Variants in WIPI2 observed in about 807,000 individuals in gnomAD.
WIPI2 encodes the protein WD repeat domain, phosphoinositide interacting 2, also known as WD repeat domain phosphoinositide-interacting protein 2.
In WIPI2, 28 loss-of-function variants were observed where a neutral mutation model predicts 52.3. The ratio of observed to expected loss-of-function variants is 0.54; its 90% CI spans 0.40 to 0.73. The LOEUF is 0.73. WIPI2 is among the 30% of genes least tolerant of loss of function. WIPI2 has a pLI of 0.00. For synonymous variants in WIPI2, 268 were observed against 245.0 expected, an observed-to-expected ratio of 1.09 and a Z score of -0.88; for missense variants, 506 against 602.9, an observed-to-expected ratio of 0.84 and a Z score of 1.68.
chr7:5,222,097 G>GCC (rs1208303895), intron 7 of WIPI2, among the ~76,000 whole-genome samples: 1 of 151,968 alleles, frequency 6.6e-6, no homozygotes, highest in African/African-American at 2.4e-5. Flanking sequence ...TTACAGGCAT[G>GCC]CGCCACCACA....
intron 11 of WIPI2, 48 bp from the exon 12 acceptor site, chr7:5,229,560 G>T: frequency 1.3e-6 from 2 of 1,593,160 alleles, no homozygotes; most frequent in Non-Finnish European, 1.7e-6. Context: ...CTGCCCGCAG[G>T]GCTGCCCTGT....
chr7:5,200,961 T>C (rs1385841832), intron 3 of WIPI2, among the ~76,000 whole-genome samples: 1 of 152,220 alleles, frequency 6.6e-6, no homozygotes, highest in Admixed American at 6.5e-5. Flanking sequence ...TCTTTGTCCT[T>C]AGACTTGCCT....
rs563192297 is a variant in WIPI2, at chr7:5,225,819, C to G, written c.741-4C>G. ...GGCCCGCCCCAACCTGTGCGTCTCC[C>G]CAGGTGCGTGAGCATCTGCTCCCTG... On this transcript the variant is annotated splice_region_variant and splice_polypyrimidine_tract_variant and intron_variant, in intron 8 of 12. Transcript: ENST00000288828. 4.9e-5 allele frequency: 78 copies of G among 1,607,572 alleles called. No individual in the cohort carries two copies. The East Asian group carries it at 1.3e-3, about 27-fold the overall frequency.
At chr7:5,205,235 C>G (rs775847441) in intron 3 of WIPI2, among the ~76,000 whole-genome samples, 6 of 152,172 alleles carry the variant, frequency 3.9e-5, no homozygotes, top group Non-Finnish European at 7.4e-5. Context: ...CTCAGCTTCC[C>G]AAAGTGCTGG....
In WIPI2 at chr7:5,233,223, C is replaced by CT. The variant is rs1247054238; in HGVS notation, c.*2279dup. The CT allele has an allele frequency of 6.6e-6, 1 of 152,326 alleles. No homozygotes were observed. The highest frequency in any genetic ancestry group is 6.5e-5 in the Admixed American group (1 of 15,276). 9.4% of individuals were successfully genotyped at this position (152,326 alleles called of 1,614,324 possible). A position where few individuals can be genotyped will look rare whatever the true frequency, so the allele number is the denominator to read the frequency against. The stretch of plus-strand genomic sequence containing the variant: ...CATTGTGGAGGGTTACCCGCCTCCA[C>CT]TTTCCCGTTGCCCATTTCACTGCCA... On this transcript the variant is annotated 3_prime_UTR_variant, in exon 13 of 13. Transcript: ENST00000288828.
rs763001574 is a variant in WIPI2 at position 5,199,530 on chromosome 7, T to C, written c.129-46T>C. On this transcript the variant is annotated intron_variant, in intron 2 of 12. Coordinates refer to ENST00000288828, the MANE Select transcript of WIPI2 (RefSeq NM_015610.4). ...TGGGAGCTGGTTTCTACATTGTCAC[T>C]GTCTGCACGTATCAGCTCTTATTTC... 14 of 1,551,776 alleles carry C rather than the reference T, an allele frequency of 9.0e-6. No individual in the cohort carries two copies. In the South Asian group the frequency reaches 1.4e-4, roughly 15 times the overall value.
chr7:5,207,988 A>G (rs1782373960), intron 3 of WIPI2, among the ~76,000 whole-genome samples: 1 of 151,284 alleles, frequency 6.6e-6, no homozygotes, highest in African/African-American at 2.4e-5. Flanking sequence ...CTGGCCTGAG[A>G]CTCCTGACCT....
At chr7:5,199,882 G>A (rs1173643643) in intron 3 of WIPI2, among the ~76,000 whole-genome samples, 2 of 152,168 alleles carry the variant, frequency 1.3e-5, no homozygotes. Flanking sequence ...TACCGAGGGA[G>A]CTCTGTTCAT....
intron 3 of WIPI2, among the ~76,000 whole-genome samples, chr7:5,200,829 C>T (rs1014324898): frequency 1.7e-4 from 26 of 152,198 alleles, no homozygotes; most frequent in African/African-American, 5.8e-4. Flanking sequence ...AGTGTCTTTC[C>T]TGTTGCTGCC....
chr7:5,225,144 T>G (rs1165975538), intron 8 of WIPI2, among the ~76,000 whole-genome samples: 1 of 152,044 alleles, frequency 6.6e-6, no homozygotes, highest in Non-Finnish European at 1.5e-5. Flanking sequence ...TGTCTTTTTT[T>G]TTTTTTAAAT....
At position 5,231,853 on chromosome 7, in the gene WIPI2, G is replaced by T; in HGVS notation, c.*906G>T. The T allele has an allele frequency of 4.4e-6, 1 of 229,772 alleles. No individual in the cohort carries two copies. The highest frequency in any genetic ancestry group is 8.4e-6 in the Non-Finnish European group (1 of 119,060). The allele number at this position is 229,772 out of a possible 1,614,324, so 14.2% of individuals were successfully genotyped here. On this transcript the variant is annotated 3_prime_UTR_variant, in exon 13 of 13. Transcript: ENST00000288828. ...GAGCTGTCCTTTCGCTGGCCCCGCT[G>T]TCCGCAGGGGCTTCCTACCTGTGTG... is the stretch of plus-strand genomic sequence containing the variant.
chr7:5,206,463 G>A (rs1054257769), intron 3 of WIPI2, among the ~76,000 whole-genome samples: 12 of 152,146 alleles, frequency 7.9e-5, no homozygotes, highest in African/African-American at 2.7e-4. Context: ...AGTTAAAAAC[G>A]AGCTTTTCTG....
chr7:5,228,695 T>C lies in WIPI2; in HGVS notation c.1121+484T>C, dbSNP rs796646012. 4.6e-5 allele frequency among the ~76,000 whole-genome samples: 7 copies of C among 152,358 alleles called. 1 individual carries two copies. The highest frequency in any genetic ancestry group is 1.7e-4 in the African/African-American group (7 of 41,582). ...GGAAGTAATGCATTTTCATTCTGTC[T>C]TACATGTTTTTTAATGATCAAAAAG... On this transcript the variant is annotated intron_variant, in intron 11 of 12. Transcript: ENST00000288828.
chr7:5,205,052 T>A (rs1365831269), intron 3 of WIPI2, among the ~76,000 whole-genome samples: 2 of 150,942 alleles, frequency 1.3e-5, no homozygotes, highest in African/African-American at 2.4e-5. Flanking sequence ...CTCGGCTCAC[T>A]GCAGCCTCCG....
In WIPI2 at chr7:5,232,081, C is replaced by T. The variant is rs1490933346; in HGVS notation, c.*1134C>T. The T allele has an allele frequency of 2.5e-6, 1 of 398,394 alleles. No homozygotes were observed. The highest frequency in any genetic ancestry group is 4.4e-6 in the Non-Finnish European group (1 of 226,076). The allele number at this position is 398,394 out of a possible 1,614,324, so 24.7% of individuals were successfully genotyped here. A position where few individuals can be genotyped will look rare whatever the true frequency, so the allele number is the denominator to read the frequency against. On this transcript the variant is annotated 3_prime_UTR_variant, in exon 13 of 13. Coordinates refer to ENST00000288828, the MANE Select transcript of WIPI2 (RefSeq NM_015610.4). ...AAAACAACCTCAAGTACCTCAGACT[C>T]TGCATTCCAAACCAAGGCACCCAGC...
At chr7:5,206,777 T>G (rs1234233158) in intron 3 of WIPI2, among the ~76,000 whole-genome samples, 2 of 152,172 alleles carry the variant, frequency 1.3e-5, no homozygotes, top group Non-Finnish European at 2.9e-5. Context: ...TTTATGTTTA[T>G]TTCTTTTTTT....
intron 8 of WIPI2, among the ~76,000 whole-genome samples, chr7:5,223,063 CA>C (rs1783227607): frequency 6.6e-6 from 1 of 152,224 alleles, no homozygotes; most frequent in Admixed American, 6.5e-5. Context: ...CCACCCTCAG[CA>C]AATGGCATTG....
At chr7:5,218,108 A>G in intron 7 of WIPI2, 94 bp downstream of exon 7, 4 of 1,327,510 alleles carry the variant, frequency 3.0e-6, no homozygotes, top group Non-Finnish European at 4.3e-6. Flanking sequence ...GCAAGGTCCT[A>G]TACTTACCAG....
Position 5,233,546 on chromosome 7 carries a change from G to A in WIPI2, c.*2599G>A, listed in dbSNP as rs1254703125. On this transcript the variant is annotated 3_prime_UTR_variant, in exon 13 of 13. Transcript: ENST00000288828. ...GTAAACGTTGTGAATGGGCTCAGTG[G>A]ACTCTGGGACCAAACCTTCTGTAAT... The A allele has an allele frequency of 1.3e-5, 2 of 152,676 alleles. No homozygotes were observed. The highest frequency in any genetic ancestry group is 4.8e-5 in the African/African-American group (2 of 41,468). 9.5% of individuals were successfully genotyped at this position (152,676 alleles called of 1,614,324 possible).
Sources: gnomAD v4.1 joint callset for allele counts (sites outside exome capture counted in the v4.1 genomes callset) on GRCh38, gnomAD v4.1.1 for gene constraint, MANE v1.5 for transcripts, NCBI Gene and HGNC (gene_info 2026-07-23, HGNC 2026-07-21) for gene names.